The following TAS2R1 variants were observed in gnomAD, a reference collection of about 807,000 sequenced individuals.
The protein encoded by TAS2R1 is taste 2 receptor member 1.
For synonymous variants in TAS2R1, 141 were observed against 134.2 expected (o/e 1.05, Z -0.35); for missense variants, 370 against 353.4 (o/e 1.05, Z -0.38).
rs904212959 is a variant in TAS2R1, at chr5:9,657,640, G to A, written c.-81+1781C>T. 4.6e-5 allele frequency among the ~76,000 whole-genome samples: 7 copies of A among 152,198 alleles called. No individual in the cohort carries two copies. The East Asian group carries it at 1.3e-3, about 29-fold the overall frequency. On this transcript the variant is annotated intron_variant, in intron 2 of 2. Coordinates refer to the TAS2R1 transcript ENST00000506620. The stretch of plus-strand genomic sequence containing the variant: ...ACATTAAGCTGAGTGAAACAACCCA[G>A]ACTCATGAAGACAGACGCTGTATTA...
chr5:9,830,385 AT>A, the TAS2R1 span, among the ~76,000 whole-genome samples: 2,942 of 152,278 alleles, frequency 0.019, 99 homozygotes, highest in African/African-American at 0.064. Context: ...GATGATAGGT[AT>A]ATGACAAAGA....
chr5:9,750,548 T>C, the TAS2R1 span, among the ~76,000 whole-genome samples: 1 of 152,176 alleles, frequency 6.6e-6, no homozygotes, highest in African/African-American at 2.4e-5. Flanking sequence ...GAACCAGATA[T>C]TGGCGAAAAC....
At chr5:9,697,405 A>T (rs1385565358) in intron 1 of TAS2R1, among the ~76,000 whole-genome samples, 1 of 152,202 alleles carries the variant, frequency 6.6e-6, no homozygotes, top group Non-Finnish European at 1.5e-5. Context: ...GCATTAAAAA[A>T]AATAGAACCA....
the TAS2R1 span, among the ~76,000 whole-genome samples, chr5:9,778,887 G>A: frequency 3.9e-5 from 6 of 152,224 alleles, no homozygotes; most frequent in African/African-American, 9.6e-5. Flanking sequence ...GTGTGTTCAC[G>A]GGAGTGGCAC....
At chr5:9,692,720 G>C (rs1421107873) in intron 1 of TAS2R1, among the ~76,000 whole-genome samples, 1 of 152,164 alleles carries the variant, frequency 6.6e-6, no homozygotes, top group South Asian at 2.1e-4. Flanking sequence ...AAAGAGCCAG[G>C]CCTCCTTGGA....
At chr5:9,839,800 A>G in the TAS2R1 span, among the ~76,000 whole-genome samples, 2 of 152,118 alleles carry the variant, frequency 1.3e-5, no homozygotes, top group Admixed American at 1.3e-4. Flanking sequence ...ATTACAGGTA[A>G]TTACATATTT....
At chr5:9,726,482 C>G in the TAS2R1 span, among the ~76,000 whole-genome samples, 3 of 152,136 alleles carry the variant, frequency 2.0e-5, no homozygotes, top group Admixed American at 6.5e-5. Flanking sequence ...AAGCTTAGTT[C>G]TTTCACTCTT....
the TAS2R1 span, among the ~76,000 whole-genome samples, chr5:9,719,757 A>C: frequency 7.2e-6 from 1 of 139,294 alleles, no homozygotes; most frequent in African/African-American, 2.6e-5. Flanking sequence ...TCTACTAAAA[A>C]TACAAAAAAA....
chr5:9,821,009 G>A, the TAS2R1 span, among the ~76,000 whole-genome samples: 3 of 152,184 alleles, frequency 2.0e-5, no homozygotes, highest in African/African-American at 7.2e-5. Context: ...CCAGCAGAAT[G>A]TTGGTGCTTT....
At chr5:9,789,882 C>T in the TAS2R1 span, among the ~76,000 whole-genome samples, 15 of 152,236 alleles carry the variant, frequency 9.9e-5, no homozygotes, top group Admixed American at 9.2e-4. Context: ...TGTGGTTCTG[C>T]TTCGTAAGTC....
the TAS2R1 span, among the ~76,000 whole-genome samples, chr5:9,819,667 A>G: frequency 9.9e-5 from 15 of 152,268 alleles, no homozygotes; most frequent in African/African-American, 3.6e-4. Context: ...GTATCAATAG[A>G]TACGGATGGG....
chr5:9,645,586 C>T (rs771641149), intron 2 of TAS2R1: 10 of 152,180 alleles, frequency 6.6e-5, no homozygotes, highest in Non-Finnish European at 1.5e-4. Flanking sequence ...ATCACTGAAT[C>T]CAGGAGTAGT....
the TAS2R1 span, among the ~76,000 whole-genome samples, chr5:9,753,307 A>G: frequency 2.6e-5 from 4 of 152,256 alleles, no homozygotes; most frequent in Non-Finnish European, 4.4e-5. Flanking sequence ...CAGTGATGAT[A>G]AGCATTTTTT....
chr5:9,730,951 T>C, the TAS2R1 span, among the ~76,000 whole-genome samples: 10 of 152,340 alleles, frequency 6.6e-5, no homozygotes, highest in Admixed American at 3.3e-4. Context: ...TCCAGCCTCA[T>C]GGAACTTTGA....
rs549053368 is a variant in TAS2R1, at chr5:9,643,470, A to C, written c.-80-13478T>G. Among the ~76,000 whole-genome samples, 147 of 152,324 alleles carry C rather than the reference A, an allele frequency of 9.7e-4. 4 individuals are homozygous for C. The South Asian group carries it at 0.029, about 30-fold the overall frequency. On this transcript the variant is annotated intron_variant, in intron 2 of 2. Transcript: ENST00000506620. ...GGCAATTACCATGAATGGAGCTTGC[A>C]GGACCGGAAGTTGCTCTGGGTAAGT...
intron 2 of TAS2R1, among the ~76,000 whole-genome samples, chr5:9,655,887 T>A (rs1285151979): frequency 6.6e-6 from 1 of 151,804 alleles, no homozygotes; most frequent in Non-Finnish European, 1.5e-5. Context: ...TGTTTGTTTT[T>A]CCTTTTCAGA....
At chr5:9,821,632 G>C in the TAS2R1 span, among the ~76,000 whole-genome samples, 12 of 152,192 alleles carry the variant, frequency 7.9e-5, no homozygotes, top group African/African-American at 2.9e-4. Flanking sequence ...ATGGCAAATA[G>C]AACATTTCTG....
At chr5:9,635,450 A>G (rs561029667) in intron 2 of TAS2R1, among the ~76,000 whole-genome samples, 1 of 152,120 alleles carries the variant, frequency 6.6e-6, no homozygotes, top group African/African-American at 2.4e-5. Flanking sequence ...TTAGGGTGAT[A>G]CTGGCTTCAC....
chr5:9,744,335 A>T, the TAS2R1 span, among the ~76,000 whole-genome samples: 2 of 152,196 alleles, frequency 1.3e-5, no homozygotes, highest in African/African-American at 4.8e-5. Context: ...GTACTCTGTC[A>T]ATATGTAAGG....
Sources: gnomAD v4.1 joint callset for allele counts (sites outside exome capture counted in the v4.1 genomes callset) on GRCh38, gnomAD v4.1.1 for gene constraint, MANE v1.5 for transcripts, NCBI Gene and HGNC (gene_info 2026-07-23, HGNC 2026-07-21) for gene names.